Variants in RAD51B observed in about 807,000 individuals in gnomAD.
RAD51B encodes the protein RAD51 paralog B, also known as DNA repair protein RAD51 homolog 2.
Under a neutral mutation model 42.2 loss-of-function variants are expected in RAD51B, and 38 were observed. That is an observed-to-expected ratio of 0.90 (90% CI 0.70 to 1.18). The LOEUF (loss-of-function observed/expected upper bound fraction) is 1.18, where lower values mean the gene tolerates loss of function less well. Ranked by LOEUF, RAD51B falls within the 50% of genes most tolerant of loss-of-function variation. The probability of loss-of-function intolerance (pLI) is 0.00; values close to 1 mark genes in which losing one functional copy is unlikely to be tolerated. For missense variants in RAD51B, 373 were observed against 400.7 expected, an observed-to-expected ratio of 0.93 and a Z score of 0.59; for synonymous variants, 154 against 145.2, an observed-to-expected ratio of 1.06 and a Z score of -0.43.
chr14:68,373,639 G>T (rs2083305181), intron 8 of RAD51B, among the ~76,000 whole-genome samples: 1 of 152,144 alleles, frequency 6.6e-6, no homozygotes, highest in Non-Finnish European at 1.5e-5. Context: ...GCAAGGGCAA[G>T]GGGAGCATTA....
At chr14:68,340,801 C>A (rs2082557061) in intron 8 of RAD51B, among the ~76,000 whole-genome samples, 1 of 152,218 alleles carries the variant, frequency 6.6e-6, no homozygotes, top group Non-Finnish European at 1.5e-5. Flanking sequence ...CCCAAGACAT[C>A]CATGACGCTT....
chr14:68,154,883 T>G (rs1216718168), intron 7 of RAD51B, among the ~76,000 whole-genome samples: 4 of 152,170 alleles, frequency 2.6e-5, no homozygotes, highest in Non-Finnish European at 4.4e-5. Flanking sequence ...CATTGGTAGT[T>G]CTAGAAATGA....
At chr14:68,326,829 C>T (rs557128877) in intron 8 of RAD51B, among the ~76,000 whole-genome samples, 66 of 152,252 alleles carry the variant, frequency 4.3e-4, no homozygotes, top group African/African-American at 1.6e-3. Context: ...TCCATTAGTG[C>T]CCCTAGATTG....
chr14:68,554,414 C>G (rs963362871), intron 10 of RAD51B, among the ~76,000 whole-genome samples: 2 of 152,174 alleles, frequency 1.3e-5, no homozygotes, highest in African/African-American at 4.8e-5. Flanking sequence ...AGACCTCACA[C>G]AGTCCTCCTG....
At chr14:68,462,783 A>G (rs1043997736) in intron 9 of RAD51B, among the ~76,000 whole-genome samples, 1 of 152,228 alleles carries the variant, frequency 6.6e-6, no homozygotes, top group Non-Finnish European at 1.5e-5. Flanking sequence ...CTGGTCTGAT[A>G]TGAAGGAAAT....
intron 7 of RAD51B, among the ~76,000 whole-genome samples, chr14:67,899,752 G>A (rs2043548291): frequency 6.6e-6 from 1 of 152,190 alleles, no homozygotes; most frequent in South Asian, 2.1e-4. Flanking sequence ...GTTCTGTAGT[G>A]AGTACATTTT....
intron 7 of RAD51B, among the ~76,000 whole-genome samples, chr14:68,140,121 CAG>C (rs2078096439): frequency 6.6e-6 from 1 of 152,104 alleles, no homozygotes; most frequent in Non-Finnish European, 1.5e-5. Flanking sequence ...CAGAATATGA[CAG>C]AGAGAGGTCA....
At chr14:67,852,588 T>C (rs888513882) in intron 4 of RAD51B, among the ~76,000 whole-genome samples, 3 of 152,250 alleles carry the variant, frequency 2.0e-5, no homozygotes, top group Non-Finnish European at 4.4e-5. Context: ...AATTTCTTTT[T>C]AAGACAAAGC....
At chr14:68,397,106 C>T (rs2083946263) in intron 8 of RAD51B, among the ~76,000 whole-genome samples, 1 of 152,176 alleles carries the variant, frequency 6.6e-6, no homozygotes. Flanking sequence ...CAATAATTAT[C>T]CCAAAGTGTT....
At chr14:68,089,691 C>T (rs2077057274) in intron 7 of RAD51B, among the ~76,000 whole-genome samples, 1 of 152,180 alleles carries the variant, frequency 6.6e-6, no homozygotes, top group South Asian at 2.1e-4. Flanking sequence ...TTTCCCCCTT[C>T]CTCTAAATGT....
At chr14:67,967,011 A>C (rs2074793160) in intron 7 of RAD51B, among the ~76,000 whole-genome samples, 1 of 152,186 alleles carries the variant, frequency 6.6e-6, no homozygotes, top group Non-Finnish European at 1.5e-5. Flanking sequence ...AAAGAGGTTT[A>C]ATTGGACTTA....
chr14:68,513,558 C>T (rs145111527), intron 10 of RAD51B, among the ~76,000 whole-genome samples: 333 of 152,306 alleles, frequency 2.2e-3, no homozygotes, highest in Non-Finnish European at 4.1e-3. Flanking sequence ...AATACAGACC[C>T]CACCTTTGGG....
chr14:68,321,777 G>A (rs926964698), intron 8 of RAD51B, among the ~76,000 whole-genome samples: 9 of 152,028 alleles, frequency 5.9e-5, no homozygotes, highest in African/African-American at 1.9e-4. Context: ...TTGAGACAGG[G>A]TCTTGCTCTG....
At chr14:67,822,175 T>C (rs561168054) in intron 1 of RAD51B, 71 of 152,336 alleles carry the variant, frequency 4.7e-4, no homozygotes, top group African/African-American at 1.6e-3. Flanking sequence ...CTTGGATCCA[T>C]GAAGAGTTCC....
chr14:68,639,282 C>G (rs913942537), intron 10 of RAD51B, among the ~76,000 whole-genome samples: 2 of 152,090 alleles, frequency 1.3e-5, no homozygotes, highest in Non-Finnish European at 2.9e-5. Context: ...TGGAGTAATT[C>G]AAGAATCCTG....
chr14:68,488,059 A>T (rs1391545737), intron 10 of RAD51B, among the ~76,000 whole-genome samples: 2 of 152,154 alleles, frequency 1.3e-5, no homozygotes, highest in Non-Finnish European at 2.9e-5. Flanking sequence ...GGTGCATGAG[A>T]CAGGAAGAAT....
intron 8 of RAD51B, chr14:68,339,562 A>G (rs1595727304): frequency 3.0e-6 from 1 of 338,740 alleles, no homozygotes; most frequent in Non-Finnish European, 5.3e-6. Context: ...TATGGTTGCC[A>G]TATTTTTCAT....
chr14:68,329,354 T>A (rs2082304448), intron 8 of RAD51B, among the ~76,000 whole-genome samples: 1 of 152,056 alleles, frequency 6.6e-6, no homozygotes, highest in Non-Finnish European at 1.5e-5. Context: ...TAACCCAAAC[T>A]CCTGAGTCAA....
chr14:68,594,445 G>C, intron 10 of RAD51B: 1 of 1,356,786 alleles, frequency 7.4e-7, no homozygotes, highest in Non-Finnish European at 9.8e-7. Flanking sequence ...AAGGCAAAAG[G>C]GCCTAGACTT....
Sources: allele counts gnomAD v4.1 joint callset (sites outside exome capture counted in the v4.1 genomes callset), GRCh38; gene constraint gnomAD v4.1.1; transcripts MANE v1.5; gene names NCBI Gene and HGNC (gene_info 2026-07-23, HGNC 2026-07-21).